Variants in ARHGAP26 observed in about 807,000 individuals in gnomAD.
The protein encoded by ARHGAP26 is rho GTPase-activating protein 26.
ARHGAP26 carries 38 observed loss-of-function variants against 104.8 expected under a neutral mutation model. That is an observed-to-expected ratio of 0.36 (90% CI 0.28 to 0.48). ARHGAP26 has a LOEUF of 0.48. Among genes scored for constraint, ARHGAP26 ranks in the 20% least tolerant of loss-of-function variants. ARHGAP26 has a pLI of 0.99. For missense variants in ARHGAP26, 704 were observed against 947.9 expected, an observed-to-expected ratio of 0.74 and a Z score of 3.38; for synonymous variants, 341 against 340.0, an observed-to-expected ratio of 1.00 and a Z score of -0.03.
intron 11 of ARHGAP26, among the ~76,000 whole-genome samples, chr5:142,987,674 A>G (rs1330783069): frequency 6.6e-6 from 1 of 152,184 alleles, no homozygotes; most frequent in African/African-American, 2.4e-5. Flanking sequence ...TGTCCCATCA[A>G]TACCTAGTTT....
chr5:143,043,672 C>T (rs1233588574), intron 14 of ARHGAP26, among the ~76,000 whole-genome samples: 3 of 152,114 alleles, frequency 2.0e-5, no homozygotes, highest in African/African-American at 4.8e-5. Flanking sequence ...CATTTCTGAC[C>T]AGAGCTGCAA....
At chr5:143,185,089 A>C (rs753867827) in intron 20 of ARHGAP26, among the ~76,000 whole-genome samples, 2 of 152,220 alleles carry the variant, frequency 1.3e-5, no homozygotes, top group Non-Finnish European at 2.9e-5. Context: ...ACAGCCATGA[A>C]CTACAATGCA....
intron 1 of ARHGAP26, among the ~76,000 whole-genome samples, chr5:142,853,882 A>G (rs1040816268): frequency 2.0e-5 from 3 of 152,208 alleles, no homozygotes; most frequent in Non-Finnish European, 4.4e-5. Context: ...ACTAATGGAC[A>G]GTACTAGCCC....
chr5:142,858,094 T>TGTGTGAGAGA (rs1424264346), intron 1 of ARHGAP26, among the ~76,000 whole-genome samples: 1,318 of 127,194 alleles, frequency 0.01, 21 homozygotes, highest in African/African-American at 0.039. Flanking sequence ...TGTGTGTGTG[T>TGTGTGAGAGA]GAGAGAGAGA....
chr5:142,879,739 T>G (rs1756678587), intron 4 of ARHGAP26, among the ~76,000 whole-genome samples: 1 of 152,228 alleles, frequency 6.6e-6, no homozygotes, highest in Admixed American at 6.5e-5. Flanking sequence ...TCATTTGTGT[T>G]ATTATAATAG....
chr5:143,059,364 C>G (rs1562347793), intron 17 of ARHGAP26, among the ~76,000 whole-genome samples: 1 of 152,114 alleles, frequency 6.6e-6, no homozygotes, highest in Non-Finnish European at 1.5e-5. Context: ...TGAGAGAGAC[C>G]AAAAGTGAAG....
intron 1 of ARHGAP26, chr5:142,859,666 A>G (rs1408988482): frequency 6.6e-6 from 1 of 152,174 alleles, no homozygotes; most frequent in Admixed American, 6.5e-5. Context: ...GCACAAAATC[A>G]GTTTTCATTT....
At chr5:143,071,335 A>G (rs1788224235) in intron 17 of ARHGAP26, among the ~76,000 whole-genome samples, 1 of 152,246 alleles carries the variant, frequency 6.6e-6, no homozygotes, top group South Asian at 2.1e-4. Flanking sequence ...ATCTCCAGCC[A>G]GTTTATTTTT....
At chr5:143,041,700 C>G in intron 13 of ARHGAP26, 116 bp from the exon 14 acceptor site, 3 of 743,476 alleles carry the variant, frequency 4.0e-6, no homozygotes, top group Non-Finnish European at 6.6e-6. Flanking sequence ...ATTAGAGCAG[C>G]TTTTAGGAGG....
chr5:142,888,941 G>T (rs1485135709), intron 5 of ARHGAP26, among the ~76,000 whole-genome samples: 1 of 152,220 alleles, frequency 6.6e-6, no homozygotes, highest in African/African-American at 2.4e-5. Flanking sequence ...TTCTCAAGTG[G>T]CAGGCAGGGA....
At chr5:143,054,552 G>T in intron 15 of ARHGAP26, 26 bp downstream of exon 15, 1 of 1,516,906 alleles carries the variant, frequency 6.6e-7, no homozygotes, top group Non-Finnish European at 9.1e-7. Flanking sequence ...TTGCAAGGCA[G>T]AGTGCCAGCT....
intron 22 of ARHGAP26, among the ~76,000 whole-genome samples, chr5:143,215,593 AC>A (rs1810217794): frequency 6.6e-6 from 1 of 152,126 alleles, no homozygotes; most frequent in South Asian, 2.1e-4. Context: ...CCCAAAAGAA[AC>A]CCCATACCTT....
chr5:143,173,389 C>T (rs865779003), intron 20 of ARHGAP26, among the ~76,000 whole-genome samples: 11 of 152,102 alleles, frequency 7.2e-5, no homozygotes, highest in Middle Eastern at 3.2e-3. Context: ...GCAGGAGCCA[C>T]GAGGGCCTAG....
chr5:143,206,759 C>T (rs1198795028), intron 20 of ARHGAP26, among the ~76,000 whole-genome samples: 1 of 151,990 alleles, frequency 6.6e-6, no homozygotes, highest in Non-Finnish European at 1.5e-5. Flanking sequence ...CTTTGTGGCC[C>T]AGAAGAAAAA....
In ARHGAP26 at chr5:142,789,976, A is replaced by AT. The variant is rs547842150; in HGVS notation, c.154+19069dup. ...GAATCTAGAACTGGGGACTGGTAGA[A>AT]TTTTTTTTGAATACAAATCAAGATA... On this transcript the variant is annotated intron_variant, in intron 1 of 22. Transcript: ENST00000645722. 5.3e-3 allele frequency among the ~76,000 whole-genome samples: 806 copies of AT among 152,216 alleles called. 6 individuals carry two copies. Among genetic ancestry groups the AT allele is most frequent in the African/African-American group, 0.019 (782 of 41,538 alleles).
intron 1 of ARHGAP26, among the ~76,000 whole-genome samples, chr5:142,788,027 TC>T (rs1759018605): frequency 6.6e-6 from 1 of 150,740 alleles, no homozygotes. Flanking sequence ...GGAGTCTTAC[TC>T]TATTGCCCAG....
intron 20 of ARHGAP26, chr5:143,202,082 A>G (rs938657594): frequency 1.3e-5 from 2 of 152,206 alleles, no homozygotes; most frequent in African/African-American, 4.8e-5. Context: ...AACTTGCTTT[A>G]TGAATCTGGG....
chr5:143,065,127 G>A (rs1787298269), intron 17 of ARHGAP26, among the ~76,000 whole-genome samples: 1 of 152,124 alleles, frequency 6.6e-6, no homozygotes, highest in African/African-American at 2.4e-5. Context: ...TTAATTTTGG[G>A]AGTATTATAA....
intron 11 of ARHGAP26, among the ~76,000 whole-genome samples, chr5:142,993,100 G>T (rs1448408442): frequency 6.6e-6 from 1 of 150,896 alleles, no homozygotes; most frequent in Admixed American, 6.6e-5. Context: ...TCCTGCCTCA[G>T]CTTCCTGAGT....
Sources: allele counts gnomAD v4.1 joint callset (sites outside exome capture counted in the v4.1 genomes callset), GRCh38; gene constraint gnomAD v4.1.1; transcripts MANE v1.5; gene names NCBI Gene and HGNC (gene_info 2026-07-23, HGNC 2026-07-21).